The following RBFOX1 variants were observed in gnomAD, a reference collection of about 807,000 sequenced individuals.
The protein encoded by RBFOX1 is RNA binding fox-1 homolog 1.
A neutral mutation model predicts 57.7 loss-of-function variants in RBFOX1; 8 were observed. The observed-to-expected ratio is 0.14, with a 90% CI of 0.08 to 0.25. RBFOX1 has a LOEUF of 0.25. Ranked by LOEUF, RBFOX1 falls within the 10% of genes least tolerant of loss-of-function variation. The probability of loss-of-function intolerance (pLI) is 1.00; values close to 1 mark genes in which losing one functional copy is unlikely to be tolerated. For synonymous variants in RBFOX1, 326 were observed against 222.4 expected (o/e 1.47, Z -4.15); for missense variants, 611 against 548.5 (o/e 1.11, Z -1.14).
chr16:6,365,370 G>C (rs902493331), intron 2 of RBFOX1, among the ~76,000 whole-genome samples: 1 of 151,568 alleles, frequency 6.6e-6, no homozygotes, highest in Admixed American at 6.6e-5. Flanking sequence ...ACGGATGAGT[G>C]GATGGGTGGA....
chr16:5,596,502 G>T (rs927796221), intron 2 of RBFOX1, among the ~76,000 whole-genome samples: 1 of 152,140 alleles, frequency 6.6e-6, no homozygotes, highest in Non-Finnish European at 1.5e-5. Flanking sequence ...CCTGGGGCAG[G>T]AGTGTGTCCC....
chr16:5,245,318 T>A (rs1422928314), intron 1 of RBFOX1, among the ~76,000 whole-genome samples: 3 of 152,134 alleles, frequency 2.0e-5, no homozygotes, highest in Non-Finnish European at 4.4e-5. Context: ...GAAGTTGACT[T>A]TGGACTCATT....
At chr16:5,798,335 T>A (rs1002232474) in intron 3 of RBFOX1, among the ~76,000 whole-genome samples, 34 of 152,220 alleles carry the variant, frequency 2.2e-4, no homozygotes, top group African/African-American at 8.2e-4. Context: ...CAGTGTCGAT[T>A]TCTCCCTATT....
intron 3 of RBFOX1, among the ~76,000 whole-genome samples, chr16:6,663,160 T>C (rs1436790973): frequency 1.3e-5 from 2 of 151,974 alleles, no homozygotes; most frequent in Non-Finnish European, 2.9e-5. Context: ...ATGTAGGAGA[T>C]GGGGAGGAGG....
At chr16:5,755,310 C>A (rs1026743680) in intron 3 of RBFOX1, among the ~76,000 whole-genome samples, 5 of 151,886 alleles carry the variant, frequency 3.3e-5, no homozygotes, top group Non-Finnish European at 4.4e-5. Context: ...CTACTTCTTT[C>A]TACACAGACA....
At chr16:6,305,352 C>T (rs1012320093) in intron 1 of RBFOX1, among the ~76,000 whole-genome samples, 6 of 152,182 alleles carry the variant, frequency 3.9e-5, no homozygotes, top group African/African-American at 1.4e-4. Flanking sequence ...CAGTGCAATG[C>T]TGCATGCAAA....
intron 4 of RBFOX1, among the ~76,000 whole-genome samples, chr16:5,951,015 T>C (rs1243809875): frequency 6.6e-6 from 1 of 152,114 alleles, no homozygotes; most frequent in Admixed American, 6.5e-5. Context: ...TTCATCACTG[T>C]CTCTCCAGGT....
chr16:5,470,745 C>A (rs1358455985), intron 2 of RBFOX1, among the ~76,000 whole-genome samples: 1 of 152,108 alleles, frequency 6.6e-6, no homozygotes, highest in Non-Finnish European at 1.5e-5. Flanking sequence ...GGGATTTGAA[C>A]CCTGGTCTGT....
chr16:6,763,138 T>C (rs1228099005), intron 3 of RBFOX1, among the ~76,000 whole-genome samples: 1 of 152,354 alleles, frequency 6.6e-6, no homozygotes, highest in South Asian at 2.1e-4. Context: ...AATGAGTTTT[T>C]TCAGGGCAGA....
chr16:6,585,521 G>A (rs1022807556), intron 2 of RBFOX1, among the ~76,000 whole-genome samples: 1 of 152,156 alleles, frequency 6.6e-6, no homozygotes, highest in Non-Finnish European at 1.5e-5. Flanking sequence ...ATCTTGACAT[G>A]TTTTGCAAGG....
chr16:5,580,358 G>A (rs1355412322), intron 2 of RBFOX1, among the ~76,000 whole-genome samples: 1 of 152,202 alleles, frequency 6.6e-6, no homozygotes, highest in Non-Finnish European at 1.5e-5. Flanking sequence ...AACATCCTCA[G>A]CTGCGTGGGT....
At chr16:7,357,945 G>C (rs566909059) in intron 4 of RBFOX1, among the ~76,000 whole-genome samples, 1 of 151,960 alleles carries the variant, frequency 6.6e-6, no homozygotes, top group South Asian at 2.1e-4. Flanking sequence ...ACTTTTTACT[G>C]TCTCTGTCTT....
chr16:5,671,858 G>C (rs1438088064), intron 3 of RBFOX1, among the ~76,000 whole-genome samples: 4 of 152,142 alleles, frequency 2.6e-5, no homozygotes, highest in Non-Finnish European at 5.9e-5. Flanking sequence ...GTGTGAGCTG[G>C]GGGTTGAAGG....
intron 1 of RBFOX1, among the ~76,000 whole-genome samples, chr16:5,261,613 G>T (rs916637233): frequency 1.4e-5 from 2 of 141,308 alleles, no homozygotes; most frequent in Non-Finnish European, 3.0e-5. Flanking sequence ...GCAGTGGTGT[G>T]ATCCCAGCTC....
intron 3 of RBFOX1, among the ~76,000 whole-genome samples, chr16:6,804,797 G>T (rs559316556): frequency 3.2e-4 from 49 of 152,278 alleles, no homozygotes; most frequent in African/African-American, 1.1e-3. Context: ...TGCCAAGTAT[G>T]TGCATTTGCC....
chr16:5,796,162 C>G (rs1198946542), intron 3 of RBFOX1, among the ~76,000 whole-genome samples: 2 of 152,166 alleles, frequency 1.3e-5, no homozygotes, highest in African/African-American at 4.8e-5. Flanking sequence ...AGACTGGGCT[C>G]AGGAATAGTA....
intron 2 of RBFOX1, among the ~76,000 whole-genome samples, chr16:6,574,663 C>A (rs865990270): frequency 4.9e-5 from 7 of 144,096 alleles, no homozygotes; most frequent in South Asian, 2.2e-4. Flanking sequence ...CTCCTGACCT[C>A]GTGATCCGCC....
chr16:6,357,030 C>A (rs755503962), intron 2 of RBFOX1, among the ~76,000 whole-genome samples: 6 of 152,138 alleles, frequency 3.9e-5, no homozygotes, highest in Non-Finnish European at 8.8e-5. Context: ...TGTGATTCTG[C>A]TGTCCTGCAC....
intron 4 of RBFOX1, among the ~76,000 whole-genome samples, chr16:7,248,289 C>G (rs138047131): frequency 3.9e-5 from 6 of 152,174 alleles, no homozygotes; most frequent in Admixed American, 1.3e-4. Flanking sequence ...TGCTGCCTTT[C>G]CTACCTACTG....
Sources: gnomAD v4.1 joint callset for allele counts (sites outside exome capture counted in the v4.1 genomes callset) on GRCh38, gnomAD v4.1.1 for gene constraint, MANE v1.5 for transcripts, NCBI Gene and HGNC (gene_info 2026-07-23, HGNC 2026-07-21) for gene names.